MED12L: variants seen among roughly 807,000 people sequenced by gnomAD.
The protein encoded by MED12L is mediator complex subunit 12L.
In MED12L, 60 loss-of-function variants were observed where a neutral mutation model predicts 281.3. The observed-to-expected ratio is 0.21, with a 90% confidence interval of 0.17 to 0.26. The LOEUF is 0.26. Ranked by LOEUF, MED12L falls within the 10% of genes least tolerant of loss-of-function variation. MED12L has a pLI of 1.00. For synonymous variants in MED12L, 974 were observed against 987.2 expected (o/e 0.99, Z 0.25); for missense variants, 2,146 against 2,680.9 (o/e 0.80, Z 4.41).
chr3:151,178,157 C>CAAAAAAAAAAAAAAAAAAAAAAAAAAAA (rs10572929), intron 11 of MED12L, among the ~76,000 whole-genome samples: 1 of 49,170 alleles, frequency 2.0e-5, no homozygotes, highest in East Asian at 6.5e-4. Context: ...GACTTGGTCT[C>CAAAAAAAAAAAAAAAAAAAAAAAAAAAA]AAAAAAAAAA....
At chr3:151,261,056 G>A (rs934845963) in intron 16 of MED12L, among the ~76,000 whole-genome samples, 2 of 151,974 alleles carry the variant, frequency 1.3e-5, no homozygotes, top group African/African-American at 4.8e-5. Flanking sequence ...GAATGTCATC[G>A]GCTTTTGTTT....
At chr3:151,147,593 A>G (rs1717914415) in intron 5 of MED12L, among the ~76,000 whole-genome samples, 1 of 152,234 alleles carries the variant, frequency 6.6e-6, no homozygotes, top group East Asian at 1.9e-4. Flanking sequence ...GACATTTTAT[A>G]TAAATGGAAT....
intron 16 of MED12L, among the ~76,000 whole-genome samples, chr3:151,218,377 A>G (rs1046865608): frequency 3.9e-5 from 6 of 152,328 alleles, no homozygotes; most frequent in Admixed American, 1.3e-4. Context: ...ATAAGCAGGC[A>G]GTCTGGTGAG....
At chr3:151,314,632 A>T (rs1292338182) in intron 16 of MED12L, among the ~76,000 whole-genome samples, 1 of 152,212 alleles carries the variant, frequency 6.6e-6, no homozygotes, top group Non-Finnish European at 1.5e-5. Context: ...AGATTTGATT[A>T]ACATCACGTA....
At chr3:151,115,646 C>T (rs908362603) in intron 2 of MED12L, among the ~76,000 whole-genome samples, 2 of 151,626 alleles carry the variant, frequency 1.3e-5, no homozygotes, top group Non-Finnish European at 1.5e-5. Context: ...CGCGCCCGGC[C>T]TGGAAACAAT....
At chr3:151,216,402 C>G (rs1728225469) in intron 16 of MED12L, among the ~76,000 whole-genome samples, 1 of 152,116 alleles carries the variant, frequency 6.6e-6, no homozygotes, top group Non-Finnish European at 1.5e-5. Flanking sequence ...TTAAGCATGA[C>G]AAAGGGATAT....
At chr3:151,173,841 G>C (rs1454276028) in intron 11 of MED12L, among the ~76,000 whole-genome samples, 1 of 152,202 alleles carries the variant, frequency 6.6e-6, no homozygotes, top group Non-Finnish European at 1.5e-5. Flanking sequence ...ACAGCTTTTG[G>C]TTGTCAAGTG....
intron 8 of MED12L, 92 bp from the exon 9 acceptor site, chr3:151,163,801 A>G (rs1720321369): frequency 7.8e-7 from 1 of 1,283,728 alleles, no homozygotes; most frequent in East Asian, 2.4e-5. Flanking sequence ...AGACAATAAT[A>G]CAGTGATGAC....
At chr3:151,156,847 A>C (rs957070410) in intron 6 of MED12L, among the ~76,000 whole-genome samples, 10 of 152,112 alleles carry the variant, frequency 6.6e-5, no homozygotes, top group African/African-American at 2.4e-4. Flanking sequence ...TTGGGCTCTT[A>C]ATTACCTTAT....
At chr3:151,398,758 G>T (rs1196705037) in intron 39 of MED12L, among the ~76,000 whole-genome samples, 3 of 152,160 alleles carry the variant, frequency 2.0e-5, no homozygotes, top group Non-Finnish European at 4.4e-5. Context: ...GGAATATGTT[G>T]TAAGACCTTC....
At chr3:151,357,461 A>G (rs964976233) in intron 20 of MED12L, 85 bp downstream of exon 20, 87 of 1,211,264 alleles carry the variant, frequency 7.2e-5, no homozygotes, top group Non-Finnish European at 9.7e-5. Context: ...TTAAAAGAAA[A>G]ATAGTACTGA....
chr3:151,294,397 A>G, intron 16 of MED12L: 1 of 1,614,144 alleles, frequency 6.2e-7, no homozygotes, highest in Non-Finnish European at 8.5e-7. Flanking sequence ...ATTCATCTAA[A>G]AGCCTGTCTA....
chr3:151,143,812 G>GC (rs1199989647), intron 5 of MED12L, among the ~76,000 whole-genome samples: 10 of 152,190 alleles, frequency 6.6e-5, no homozygotes, highest in African/African-American at 2.4e-4. Context: ...CTGTCCTGGG[G>GC]CAGTAAAACT....
At chr3:151,395,356 T>C (rs1184929490) in intron 39 of MED12L, among the ~76,000 whole-genome samples, 3 of 152,180 alleles carry the variant, frequency 2.0e-5, no homozygotes, top group Non-Finnish European at 4.4e-5. Context: ...TTTAATAAGG[T>C]CTAGAGCAGA....
intron 16 of MED12L, among the ~76,000 whole-genome samples, chr3:151,205,878 A>C (rs1726277549): frequency 6.6e-6 from 1 of 152,076 alleles, no homozygotes; most frequent in African/African-American, 2.4e-5. Context: ...GTGGTAGAAC[A>C]GTGTACCACT....
At chr3:151,272,015 G>A (rs1741042965) in intron 16 of MED12L, among the ~76,000 whole-genome samples, 1 of 152,152 alleles carries the variant, frequency 6.6e-6, no homozygotes, top group Non-Finnish European at 1.5e-5. Flanking sequence ...ATAAATTAGG[G>A]GAAAAAGTCA....
chr3:151,350,042 C>A lies in MED12L; in HGVS notation c.2251-17C>A, dbSNP rs1354132836. 1 of 1,601,268 alleles carries A rather than the reference C, an allele frequency of 6.2e-7. No individual in the cohort carries two copies. The highest frequency in any genetic ancestry group is 8.5e-7 in the Non-Finnish European group (1 of 1,171,760). ...CCCTGCAGACAAGAGTTTCAGAATG[C>A]ATTTTCTGTTTTTCAGGATGAATCT... On this transcript the variant is annotated splice_polypyrimidine_tract_variant and intron_variant, in intron 16 of 44. Coordinates refer to ENST00000687756, the MANE Select transcript of MED12L (RefSeq NM_001393769.1).
At chr3:151,239,076 G>A (rs893404108) in intron 16 of MED12L, among the ~76,000 whole-genome samples, 5 of 152,122 alleles carry the variant, frequency 3.3e-5, no homozygotes, top group African/African-American at 4.8e-5. Flanking sequence ...GTAGCTTTCC[G>A]GTATTGACAC....
intron 11 of MED12L, among the ~76,000 whole-genome samples, chr3:151,172,124 C>T (rs779552958): frequency 1.3e-5 from 2 of 152,104 alleles, no homozygotes; most frequent in African/African-American, 2.4e-5. Context: ...GGAGAGAGTA[C>T]GTGCAGGTAG....
Sources: allele counts gnomAD v4.1 joint callset (sites outside exome capture counted in the v4.1 genomes callset), GRCh38; gene constraint gnomAD v4.1.1; transcripts MANE v1.5; gene names NCBI Gene and HGNC (gene_info 2026-07-23, HGNC 2026-07-21).